WWOX: variants seen among roughly 807,000 people sequenced by gnomAD.
The protein encoded by WWOX is WW domain containing oxidoreductase.
In WWOX, 69 loss-of-function variants were observed where a neutral mutation model predicts 46.2. That is an observed-to-expected ratio of 1.49 (90% CI 1.23 to 1.82). WWOX has a LOEUF of 1.82. Among genes scored for constraint, WWOX ranks in the 40% most tolerant of loss-of-function variants. The pLI is 0.00. For synonymous variants in WWOX, 359 were observed against 202.6 expected, an observed-to-expected ratio of 1.77 and a Z score of -6.56; for missense variants, 919 against 542.6, an observed-to-expected ratio of 1.69 and a Z score of -6.89.
chr16:78,559,955 C>G (rs981096329), intron 8 of WWOX, among the ~76,000 whole-genome samples: 1 of 152,150 alleles, frequency 6.6e-6, no homozygotes, highest in African/African-American at 2.4e-5. Flanking sequence ...CTACGTTTTT[C>G]TATTTTGTCT....
At chr16:78,218,765 G>A (rs954940375) in intron 5 of WWOX, among the ~76,000 whole-genome samples, 2 of 152,250 alleles carry the variant, frequency 1.3e-5, no homozygotes, top group African/African-American at 4.8e-5. Flanking sequence ...GCGCCGTGCA[G>A]TGTGGAAGCA....
Position 78,415,189 on chromosome 16 carries a change from A to G in WWOX, c.606-9681A>G, listed in dbSNP as rs151127776. On this transcript the variant is annotated intron_variant, in intron 6 of 8. Transcript: ENST00000566780. ...CGGAAAGGGGTAGGCAGTTCCCGGA[A>G]GTGAGGGTTCTTCCCCTTTTTAGAC... 6.7e-3 allele frequency among the ~76,000 whole-genome samples: 1,022 copies of G among 151,844 alleles called. 4 individuals carry two copies. The highest frequency in any genetic ancestry group is 0.011 in the Non-Finnish European group (721 of 67,948).
chr16:78,822,087 G>C (rs771475482), intron 8 of WWOX, among the ~76,000 whole-genome samples: 5 of 152,060 alleles, frequency 3.3e-5, no homozygotes, highest in Non-Finnish European at 5.9e-5. Context: ...GCATTGGCCA[G>C]ACTGACCTAA....
At chr16:78,736,658 C>G (rs1160185300) in intron 8 of WWOX, among the ~76,000 whole-genome samples, 3 of 152,058 alleles carry the variant, frequency 2.0e-5, no homozygotes, top group Non-Finnish European at 4.4e-5. Flanking sequence ...AGTGCAGTTG[C>G]GTGATATTAG....
chr16:79,140,782 GT>G (rs1452369986), intron 8 of WWOX, among the ~76,000 whole-genome samples: 10 of 152,284 alleles, frequency 6.6e-5, no homozygotes, highest in African/African-American at 2.2e-4. Context: ...AAGTCTGCTT[GT>G]TTCATCAAGC....
intron 4 of WWOX, among the ~76,000 whole-genome samples, chr16:78,151,043 A>ATTTTTT (rs10629101): frequency 2.8e-5 from 4 of 140,900 alleles, no homozygotes; most frequent in Non-Finnish European, 6.1e-5. Flanking sequence ...GTGCTCCACA[A>ATTTTTT]TTTTTTTTTT....
chr16:78,621,149 C>G (rs1028849625), intron 8 of WWOX, among the ~76,000 whole-genome samples: 1 of 152,086 alleles, frequency 6.6e-6, no homozygotes, highest in African/African-American at 2.4e-5. Flanking sequence ...AGTGCAGAAA[C>G]CAGATGGTTT....
intron 8 of WWOX, among the ~76,000 whole-genome samples, chr16:79,041,701 G>A (rs768260437): frequency 6.6e-6 from 1 of 152,138 alleles, no homozygotes; most frequent in Non-Finnish European, 1.5e-5. Flanking sequence ...AAGGGCATGA[G>A]GCAGTTTGAA....
At chr16:78,933,984 G>C (rs1377409792) in intron 8 of WWOX, among the ~76,000 whole-genome samples, 2 of 152,062 alleles carry the variant, frequency 1.3e-5, no homozygotes, top group Non-Finnish European at 2.9e-5. Context: ...TTGAGGCCAG[G>C]AGTTTGGGGC....
chr16:78,471,286 T>C (rs2084214221), intron 8 of WWOX, among the ~76,000 whole-genome samples: 1 of 152,214 alleles, frequency 6.6e-6, no homozygotes. Context: ...GATGCAAACA[T>C]GGAATACAGA....
chr16:78,702,983 A>T (rs943632575), intron 8 of WWOX, among the ~76,000 whole-genome samples: 1 of 152,152 alleles, frequency 6.6e-6, no homozygotes, highest in African/African-American at 2.4e-5. Context: ...TCATCATAGG[A>T]TAACTCTCCG....
intron 8 of WWOX, among the ~76,000 whole-genome samples, chr16:78,954,911 T>C (rs1407775565): frequency 2.6e-5 from 4 of 152,148 alleles, no homozygotes; most frequent in African/African-American, 9.7e-5. Flanking sequence ...TGCCTCAGTT[T>C]CCTGAGTAGC....
chr16:78,614,290 A>G (rs943241462), intron 8 of WWOX, among the ~76,000 whole-genome samples: 8 of 152,248 alleles, frequency 5.3e-5, no homozygotes, highest in African/African-American at 9.6e-5. Flanking sequence ...AAATAGATGC[A>G]CAAAGCAGAG....
intron 8 of WWOX, among the ~76,000 whole-genome samples, chr16:79,100,140 C>T (rs1452431539): frequency 1.3e-5 from 2 of 152,124 alleles, no homozygotes; most frequent in African/African-American, 4.8e-5. Context: ...AATACTGTCC[C>T]AGCAACACCT....
intron 8 of WWOX, among the ~76,000 whole-genome samples, chr16:79,140,238 C>G (rs1337252674): frequency 6.6e-6 from 1 of 152,200 alleles, no homozygotes; most frequent in African/African-American, 2.4e-5. Flanking sequence ...AACTTGCAGA[C>G]CCTGCCCTGA....
At chr16:78,973,218 C>T (rs374173738) in intron 8 of WWOX, among the ~76,000 whole-genome samples, 1 of 152,292 alleles carries the variant, frequency 6.6e-6, no homozygotes, top group East Asian at 1.9e-4. Flanking sequence ...TACAAAACCA[C>T]AGACCGGAGC....
intron 5 of WWOX, among the ~76,000 whole-genome samples, chr16:78,334,804 A>ACGCGCGCG (rs1167396167): frequency 6.9e-5 from 4 of 57,900 alleles, no homozygotes; most frequent in African/African-American, 2.1e-4. Context: ...ACACACACAC[A>ACGCGCGCG]CACGCACACA....
At chr16:78,733,164 C>G (rs778718722) in intron 8 of WWOX, among the ~76,000 whole-genome samples, 4 of 152,106 alleles carry the variant, frequency 2.6e-5, no homozygotes, top group Non-Finnish European at 5.9e-5. Flanking sequence ...TTATGCACAG[C>G]TATTTATAAA....
chr16:78,916,740 G>A (rs1218844398), intron 8 of WWOX, among the ~76,000 whole-genome samples: 1 of 152,196 alleles, frequency 6.6e-6, no homozygotes, highest in African/African-American at 2.4e-5. Flanking sequence ...TCTAAACTAA[G>A]TGTCTGATAA....
Sources: gnomAD v4.1 joint callset for allele counts (sites outside exome capture counted in the v4.1 genomes callset) on GRCh38, gnomAD v4.1.1 for gene constraint, MANE v1.5 for transcripts, NCBI Gene and HGNC (gene_info 2026-07-23, HGNC 2026-07-21) for gene names.